The following ORC2 variants were observed in gnomAD, a reference collection of about 807,000 sequenced individuals.
The protein encoded by ORC2 is origin recognition complex subunit 2.
Under a neutral mutation model 77.7 loss-of-function variants are expected in ORC2, and 37 were observed. That is an observed-to-expected ratio of 0.48 (90% CI 0.37 to 0.63). The LOEUF (loss-of-function observed/expected upper bound fraction) is 0.63, where lower values mean the gene tolerates loss of function less well. ORC2 is among the 20% of genes least tolerant of loss of function. The pLI, the probability that ORC2 is intolerant of heterozygous loss-of-function variation, is 0.00. For synonymous variants in ORC2, 201 were observed against 229.5 expected, an observed-to-expected ratio of 0.88 and a Z score of 1.12; for missense variants, 557 against 661.9, an observed-to-expected ratio of 0.84 and a Z score of 1.74.
At chr2:200,959,875 G>A (rs2041539084) in intron 1 of ORC2, among the ~76,000 whole-genome samples, 1 of 151,628 alleles carries the variant, frequency 6.6e-6, no homozygotes, top group Non-Finnish European at 1.5e-5. Context: ...GACAAGCCTG[G>A]CAACAGTAAG....
Position 200,911,199 on chromosome 2 carries a change from G to A in ORC2, c.*102C>T, listed in dbSNP as rs1312311510. 6.9e-6 allele frequency: 5 copies of A among 729,276 alleles called. No individual in the cohort carries two copies. In the Admixed American group the frequency reaches 1.3e-4, roughly 18 times the overall value. The allele number at this position is 729,276 out of a possible 1,614,324, so 45.2% of individuals were successfully genotyped here. ...TCCCAAATTTAAATCTTGTATGCTGGAAAAATAATTTAATGTCAGATGTAA... is the reference window on the plus strand; with the variant it reads ...TCCCAAATTTAAATCTTGTATGCTGAAAAAATAATTTAATGTCAGATGTAA... On this transcript the variant is annotated 3_prime_UTR_variant, in exon 18 of 18. Transcript: ENST00000234296.
At chr2:200,933,837 A>G (rs775462177) in intron 10 of ORC2, 39 bp downstream of exon 10, 1 of 1,163,610 alleles carries the variant, frequency 8.6e-7, no homozygotes, top group South Asian at 1.3e-5. Context: ...TTCAGGACAG[A>G]GTAAAAAAAA....
At chr2:200,963,012 A>G (rs1054673403) in intron 1 of ORC2, 5 of 153,896 alleles carry the variant, frequency 3.2e-5, no homozygotes, top group African/African-American at 1.2e-4. Flanking sequence ...GGTTCTAGCT[A>G]CAGTGGTTCT....
At chr2:200,931,251 A>G (rs1485132099) in intron 11 of ORC2, 88 bp downstream of exon 11, 7 of 562,410 alleles carry the variant, frequency 1.2e-5, no homozygotes, top group Non-Finnish European at 2.1e-5. Context: ...AACTCACTGT[A>G]AAAAGAAAAA....
chr2:200,943,787 T>C (rs1404352244), intron 5 of ORC2, among the ~76,000 whole-genome samples: 1 of 151,670 alleles, frequency 6.6e-6, no homozygotes, highest in African/African-American at 2.4e-5. Flanking sequence ...CGGTCTTCTA[T>C]ATGATTCACT....
At chr2:200,937,487 T>A (rs907213016) in intron 8 of ORC2, among the ~76,000 whole-genome samples, 2 of 152,208 alleles carry the variant, frequency 1.3e-5, no homozygotes, top group African/African-American at 4.8e-5. Flanking sequence ...GGTGTTGACA[T>A]CTTCCTGATA....
At chr2:200,914,343 T>A (rs1327010202) in intron 15 of ORC2, among the ~76,000 whole-genome samples, 2 of 152,074 alleles carry the variant, frequency 1.3e-5, no homozygotes, top group African/African-American at 4.8e-5. Context: ...ATTTTTTGTA[T>A]TTTTAGTAGA....
chr2:200,937,929 C>T lies in ORC2; in HGVS notation c.491G>A (p.Arg164His), dbSNP rs779918859. The T allele has an allele frequency of 2.2e-5, 35 of 1,600,700 alleles. No individual in the cohort carries two copies. The highest frequency in any genetic ancestry group is 5.4e-5 in the African/African-American group (4 of 74,302). Residue 164 changes from arginine (R) to histidine (H), a missense_variant, in exon 8 of 18, where the codon CGT becomes CAT. Physicochemically the swap from Arg to His is conservative, Grantham distance 29. Coordinates refer to ENST00000234296, the MANE Select transcript of ORC2 (RefSeq NM_006190.5). Reference sequence around the variant, plus strand: ...ACCTATTAATCTTTTTCTTAGACTACGAGGTGCTGTTGACAGAAATTCACT... The same window carrying T: ...ACCTATTAATCTTTTTCTTAGACTATGAGGTGCTGTTGACAGAAATTCACT... Reference protein sequence around the residue: ...DKSEFLSTAPRSLRKRLIVPR... With the variant: ...DKSEFLSTAPHSLRKRLIVPR...
intron 7 of ORC2, among the ~76,000 whole-genome samples, chr2:200,938,561 T>C (rs2041090271): frequency 6.6e-6 from 1 of 152,230 alleles, no homozygotes; most frequent in Non-Finnish European, 1.5e-5. Context: ...TAGAATACTT[T>C]AATACCATAA....
At position 200,931,395 on chromosome 2, in the gene ORC2, A is replaced by C. The variant is rs2124974978; in HGVS notation, c.861T>G (p.Leu287=). The C allele has an allele frequency of 6.5e-7, 1 of 1,540,476 alleles. No homozygotes were observed. Among genetic ancestry groups the C allele is most frequent in the African/African-American group, 1.4e-5 (1 of 69,692 alleles). Residue 287 remains leucine, a synonymous_variant, in exon 11 of 18, where the codon CTT becomes CTG. Coordinates refer to ENST00000234296, the MANE Select transcript of ORC2 (RefSeq NM_006190.5). ...SKVSPSFSAE[L]KQLNQQYEKL... ...TTTCATACTGTTGATTTAGTTGTTT[A>C]AGTTCGGCAGAAAAGGAAGGGGAAA...
chr2:200,924,987 T>C (rs961071561), intron 13 of ORC2, among the ~76,000 whole-genome samples: 17 of 152,178 alleles, frequency 1.1e-4, no homozygotes, highest in Non-Finnish European at 1.8e-4. Context: ...CTCGAACTCC[T>C]GACCTCAGGT....
At chr2:200,918,128 T>A (rs2040689600) in intron 15 of ORC2, among the ~76,000 whole-genome samples, 1 of 152,212 alleles carries the variant, frequency 6.6e-6, no homozygotes, top group Non-Finnish European at 1.5e-5. Context: ...CAGTTCAGCA[T>A]TTGTCCTAAA....
At chr2:200,954,897 AATGAATG>A (rs1214939486) in intron 4 of ORC2, among the ~76,000 whole-genome samples, 7 of 136,654 alleles carry the variant, frequency 5.1e-5, no homozygotes, top group Non-Finnish European at 9.5e-5. Context: ...TGAATGAATG[AATGAATG>A]AATAAATAAA....
At chr2:200,922,073 T>C (rs573658465) in intron 13 of ORC2, among the ~76,000 whole-genome samples, 12 of 141,058 alleles carry the variant, frequency 8.5e-5, no homozygotes, top group Admixed American at 1.6e-4. Flanking sequence ...CAGAAAGCAT[T>C]ATATATAATG....
At position 200,941,165 on chromosome 2, in the gene ORC2, A is replaced by AT. The variant is rs538964412; in HGVS notation, c.453+82dup. On this transcript the variant is annotated intron_variant, in intron 7 of 17. Coordinates refer to ENST00000234296, the MANE Select transcript of ORC2 (RefSeq NM_006190.5). The stretch of plus-strand genomic sequence containing the variant: ...AAGCACTATATAAATTAAGAGATCA[A>AT]TTTTTTCATTGAATTTCTGGCAATT... 59 of 1,115,194 alleles carry AT rather than the reference A, an allele frequency of 5.3e-5. No homozygotes were observed. The South Asian group carries it at 6.8e-4, about 13-fold the overall frequency. The allele number at this position is 1,115,194 out of a possible 1,614,324, so 69.1% of individuals were successfully genotyped here.
rs2040511662 is a variant in ORC2 at position 200,908,994 on chromosome 2, A to C, written c.*2307T>G. ...CCAATTTATAAAGTGATTCTATCCA[A>C]ATTGGCTTTTTATTTATTAATAATA... On this transcript the variant is annotated 3_prime_UTR_variant, in exon 18 of 18. Transcript: ENST00000234296. 6.6e-6 allele frequency: 1 copy of C among 152,222 alleles called. No homozygotes were observed. Among genetic ancestry groups the C allele is most frequent in the South Asian group, 2.1e-4 (1 of 4,832 alleles). The allele number at this position is 152,222 out of a possible 1,614,324, so 9.4% of individuals were successfully genotyped here.
chr2:200,950,795 C>G (rs1196506710), intron 4 of ORC2, among the ~76,000 whole-genome samples: 1 of 152,214 alleles, frequency 6.6e-6, no homozygotes, highest in Middle Eastern at 3.2e-3. Flanking sequence ...TGCTCATCCT[C>G]CTTATTAAGC....
At chr2:200,961,549 TA>T (rs2041574779) in intron 1 of ORC2, among the ~76,000 whole-genome samples, 1 of 152,226 alleles carries the variant, frequency 6.6e-6, no homozygotes, top group African/African-American at 2.4e-5. Context: ...CAGGTAACTA[TA>T]GAATGTCCAA....
In ORC2 at chr2:200,938,524, T is replaced by C. The variant is rs193015477; in HGVS notation, c.454-558A>G. ...CTGTATTTAAAAAATTGTAACTTTT[T>C]GTAGGAGTACAAAGTCTGTTTTTTT... On this transcript the variant is annotated intron_variant, in intron 7 of 17. Coordinates refer to ENST00000234296, the MANE Select transcript of ORC2 (RefSeq NM_006190.5). Among the ~76,000 whole-genome samples the C allele has an allele frequency of 2.0e-5, 3 of 152,340 alleles. No homozygotes were observed. In the East Asian group the frequency reaches 5.8e-4, roughly 29 times the overall value.
Sources: gnomAD v4.1 joint callset for allele counts (sites outside exome capture counted in the v4.1 genomes callset) on GRCh38, gnomAD v4.1.1 for gene constraint, MANE v1.5 for transcripts, NCBI Gene and HGNC (gene_info 2026-07-23, HGNC 2026-07-21) for gene names.